The following CAPN13 variants were observed in gnomAD, a reference collection of about 807,000 sequenced individuals.
The protein encoded by CAPN13 is calpain-13.
CAPN13 carries 90 observed loss-of-function variants against 98.4 expected under a neutral mutation model. That is an observed-to-expected ratio of 0.92 (90% CI 0.77 to 1.09). The LOEUF (loss-of-function observed/expected upper bound fraction) is 1.09. Among genes scored for constraint, CAPN13 ranks in the 50% least tolerant of loss-of-function variants. The pLI is 0.00. For synonymous variants in CAPN13, 330 were observed against 305.5 expected, an observed-to-expected ratio of 1.08 and a Z score of -0.84; for missense variants, 887 against 841.3, an observed-to-expected ratio of 1.05 and a Z score of -0.67.
intron 1 of CAPN13, among the ~76,000 whole-genome samples, chr2:30,796,815 G>A (rs1248272849): frequency 1.3e-5 from 2 of 152,140 alleles, no homozygotes; most frequent in African/African-American, 4.8e-5. Flanking sequence ...GAAAGATTTG[G>A]CAGGCTCTGA....
chr2:30,760,165 C>T (rs1465690347), intron 7 of CAPN13, among the ~76,000 whole-genome samples: 1 of 152,250 alleles, frequency 6.6e-6, no homozygotes, highest in Non-Finnish European at 1.5e-5. Flanking sequence ...TCACTGCAAG[C>T]TCCGCCTCCC....
At chr2:30,726,886 CA>C (rs776115970) in intron 22 of CAPN13, among the ~76,000 whole-genome samples, 8 of 152,098 alleles carry the variant, frequency 5.3e-5, no homozygotes, top group Admixed American at 2.6e-4. Context: ...CCAGAAGAGC[CA>C]AAATAGTCTT....
At chr2:30,732,257 G>C (rs573813276) in intron 20 of CAPN13, among the ~76,000 whole-genome samples, 181 bp downstream of exon 20, 26 of 152,274 alleles carry the variant, frequency 1.7e-4, no homozygotes, top group Admixed American at 1.4e-3. Flanking sequence ...CAGGGGAGAG[G>C]GGGGTGCGGA....
chr2:30,734,058 T>C (rs1671230511), intron 19 of CAPN13, among the ~76,000 whole-genome samples: 1 of 152,208 alleles, frequency 6.6e-6, no homozygotes, highest in Non-Finnish European at 1.5e-5. Flanking sequence ...CCAAACTCTC[T>C]GTGAAGAGAG....
At chr2:30,754,813 C>A (rs944937236) in intron 8 of CAPN13, among the ~76,000 whole-genome samples, 2 of 152,196 alleles carry the variant, frequency 1.3e-5, no homozygotes, top group African/African-American at 4.8e-5. Flanking sequence ...CTGCTGTTAC[C>A]CTAGTTCAGG....
intron 1 of CAPN13, among the ~76,000 whole-genome samples, chr2:30,796,806 A>T (rs150014277): frequency 2.6e-4 from 39 of 152,202 alleles, no homozygotes; most frequent in Admixed American, 1.3e-4. Flanking sequence ...CAAAACTATG[A>T]AAGATTTGGC....
chr2:30,772,682 C>T (rs114418023), intron 4 of CAPN13, among the ~76,000 whole-genome samples: 213 of 152,216 alleles, frequency 1.4e-3, no homozygotes, highest in African/African-American at 4.9e-3. Context: ...AAAGGAGGGG[C>T]CCAGAAATAA....
intron 2 of CAPN13, among the ~76,000 whole-genome samples, chr2:30,785,329 A>G (rs1343260562): frequency 1.3e-5 from 2 of 152,246 alleles, no homozygotes; most frequent in African/African-American, 4.8e-5. Flanking sequence ...AAAACAAAGC[A>G]GATAAAGTAT....
At chr2:30,785,297 C>G (rs1674212410) in intron 2 of CAPN13, among the ~76,000 whole-genome samples, 1 of 152,126 alleles carries the variant, frequency 6.6e-6, no homozygotes, top group South Asian at 2.1e-4. Flanking sequence ...GTCTGAACAT[C>G]AGTTTTCTAT....
chr2:30,799,741 A>G (rs1419816542), intron 1 of CAPN13, among the ~76,000 whole-genome samples: 1 of 151,874 alleles, frequency 6.6e-6, no homozygotes, highest in African/African-American at 2.4e-5. Flanking sequence ...AGGCCATGAA[A>G]TGAAATGAAG....
chr2:30,756,888 G>T (rs192205748), intron 8 of CAPN13, among the ~76,000 whole-genome samples: 1 of 152,210 alleles, frequency 6.6e-6, no homozygotes, highest in African/African-American at 2.4e-5. Flanking sequence ...TTCCATCTCC[G>T]CTTACCTCGC....
intron 1 of CAPN13, among the ~76,000 whole-genome samples, chr2:30,790,699 T>A (rs1470238230): frequency 1.3e-5 from 2 of 152,218 alleles, no homozygotes; most frequent in East Asian, 3.9e-4. Context: ...GGTTGCAATT[T>A]TTTTAGATGT....
chr2:30,745,840 C>G, intron 11 of CAPN13, 106 bp from the exon 12 acceptor site: 1 of 807,522 alleles, frequency 1.2e-6, no homozygotes, highest in East Asian at 2.8e-5. Flanking sequence ...CATTCCTTCT[C>G]CTTTTCTTCC....
chr2:30,770,479 A>G (rs148777030), intron 4 of CAPN13, 30 bp from the exon 5 acceptor site: 1,164 of 1,610,054 alleles, frequency 7.2e-4, no homozygotes, highest in Non-Finnish European at 9.1e-4. Flanking sequence ...ATGCTTTGAC[A>G]GAGTTGAGGC....
chr2:30,748,291 A>G lies in CAPN13; in HGVS notation c.1237-2557T>C, dbSNP rs545173005. ...TTCTTCCCAGAGGTGAGAGCTGGAA[A>G]ATCTGAGGGTCCTCTTAGAAGGCAC... On this transcript the variant is annotated intron_variant, in intron 11 of 22. Transcript: ENST00000295055. 2.0e-4 allele frequency among the ~76,000 whole-genome samples: 30 copies of G among 152,292 alleles called. No individual in the cohort carries two copies. The South Asian group carries it at 5.8e-3, about 29-fold the overall frequency.
intron 17 of CAPN13, chr2:30,737,581 A>G (rs1671437251): frequency 6.5e-6 from 1 of 153,968 alleles, no homozygotes; most frequent in African/African-American, 2.4e-5. Flanking sequence ...GCCTCTGCCC[A>G]GCGTCTCCCG....
intron 8 of CAPN13, among the ~76,000 whole-genome samples, chr2:30,754,684 C>T (rs907089593): frequency 4.6e-5 from 7 of 152,162 alleles, no homozygotes; most frequent in Non-Finnish European, 1.0e-4. Context: ...ATTGCCTGAG[C>T]GAGAACATGA....
At chr2:30,800,341 A>C (rs866069351) in intron 1 of CAPN13, among the ~76,000 whole-genome samples, 10 of 152,202 alleles carry the variant, frequency 6.6e-5, no homozygotes, top group African/African-American at 2.2e-4. Flanking sequence ...GAAGCGACTT[A>C]CTGAGGTTCC....
rs1427063246 is a variant in CAPN13, at chr2:30,758,076, T to G, written c.836A>C (p.Glu279Ala). 4 of 1,611,196 alleles carry G rather than the reference T, an allele frequency of 2.5e-6. No homozygotes were observed. Among genetic ancestry groups the G allele is most frequent in the Non-Finnish European group, 3.4e-6 (4 of 1,178,906 alleles). The change falls in exon 8 of 23, where the codon GAG becomes GCG. Residue 279 changes from glutamate (E) to alanine (A), a missense_variant. Transcript: ENST00000295055. ...ISLWNPWGWGEAEWRGRWSDG... is the reference protein window; with the variant it reads ...ISLWNPWGWGAAEWRGRWSDG... ...ACTCCAGCGCCCTCTCCATTCGGCC[T>G]CGCCCCAGCCCCAGGGGTTCCACAG...
Sources: allele counts gnomAD v4.1 joint callset (sites outside exome capture counted in the v4.1 genomes callset), GRCh38; gene constraint gnomAD v4.1.1; transcripts MANE v1.5; gene names NCBI Gene and HGNC (gene_info 2026-07-23, HGNC 2026-07-21).